The following NIPAL3 variants were observed in gnomAD, a reference collection of about 807,000 sequenced individuals.
NIPAL3 encodes NIPA like domain containing 3, also known as NIPA-like protein 3.
Under a neutral mutation model 47.2 loss-of-function variants are expected in NIPAL3, and 41 were observed. The ratio of observed to expected loss-of-function variants is 0.87; its 90% CI spans 0.68 to 1.13. The LOEUF is 1.13. Among genes scored for constraint, NIPAL3 ranks in the 50% most tolerant of loss-of-function variants. NIPAL3 has a pLI of 0.00. For synonymous variants in NIPAL3, 194 were observed against 209.6 expected (o/e 0.93, Z 0.64); for missense variants, 449 against 530.1 (o/e 0.85, Z 1.50).
rs552023400 is a variant in NIPAL3 at position 24,449,523 on chromosome 1, T to G, written c.437T>G (p.Val146Gly). 6.2e-7 allele frequency: 1 copy of G among 1,614,030 alleles called. No individual in the cohort carries two copies. Among genetic ancestry groups the G allele is most frequent in the Non-Finnish European group, 8.5e-7 (1 of 1,180,030 alleles). The change falls in exon 6 of 12, where the codon GTG becomes GGG. Residue 146 changes from valine to glycine, a missense_variant. Transcript: ENST00000374399. This position sits in a 1 kb window ranked among gnomAD's most constrained non-coding sequence, Gnocchi z 4.5. Reference sequence around the variant, plus strand: ...TTTGTTGGCTGCGGTTTGGCTGTCGTGGGTACCTACCTGCTGGTGACATTC... The same window carrying G: ...TTTGTTGGCTGCGGTTTGGCTGTCGGGGGTACCTACCTGCTGGTGACATTC... ...LSFVGCGLAV[V>G]GTYLLVTFAP... is the part of the protein sequence containing the mutation.
chr1:24,424,103 T>C lies in NIPAL3; in HGVS notation c.93+4463T>C, dbSNP rs142624783. Among the ~76,000 whole-genome samples, 461 of 152,322 alleles carry C rather than the reference T, an allele frequency of 3.0e-3. 4 individuals carry two copies. Among genetic ancestry groups the C allele is most frequent in the African/African-American group, 0.01 (433 of 41,574 alleles). ...TTCAATTCAGTTGCCTAGTATGGAATATCTTCATGCCAGAGCAAAGCTGAA... is the reference window on the plus strand; with the variant it reads ...TTCAATTCAGTTGCCTAGTATGGAACATCTTCATGCCAGAGCAAAGCTGAA... On this transcript the variant is annotated intron_variant, in intron 2 of 11. Transcript: ENST00000374399.
At chr1:24,456,654 T>C (rs1306336644) in intron 8 of NIPAL3, among the ~76,000 whole-genome samples, 1 of 152,170 alleles carries the variant, frequency 6.6e-6, no homozygotes, top group Admixed American at 6.5e-5. Context: ...TCCCAGCTAC[T>C]CAGGAAGCTG....
Position 24,421,342 on chromosome 1 carries a change from A to T in NIPAL3, c.93+1702A>T, listed in dbSNP as rs1644320694. ...ACTCCAGCCTGGGTGAGAGAGTGAG[A>T]CCCCACCTCAAAAAAAAAGAAAGAA... On this transcript the variant is annotated intron_variant, in intron 2 of 11. Coordinates refer to ENST00000374399, the MANE Select transcript of NIPAL3 (RefSeq NM_020448.5). Among the ~76,000 whole-genome samples the T allele has an allele frequency of 2.0e-5, 3 of 151,420 alleles. No individual in the cohort carries two copies. In the South Asian group the frequency reaches 6.3e-4, roughly 32 times the overall value.
intron 10 of NIPAL3, among the ~76,000 whole-genome samples, chr1:24,463,353 G>C (rs1346476827): frequency 6.6e-6 from 1 of 152,158 alleles, no homozygotes; most frequent in Non-Finnish European, 1.5e-5. Context: ...TTACCTCTGG[G>C]GAAGGGCTGG....
intron 2 of NIPAL3, among the ~76,000 whole-genome samples, chr1:24,439,840 T>A (rs1364953460): frequency 6.6e-6 from 1 of 152,236 alleles, no homozygotes; most frequent in Non-Finnish European, 1.5e-5. Flanking sequence ...ATATTTCTCT[T>A]GTAAATTCTG....
chr1:24,435,800 A>G (rs528060759), intron 2 of NIPAL3, among the ~76,000 whole-genome samples: 117 of 152,312 alleles, frequency 7.7e-4, no homozygotes, highest in African/African-American at 2.7e-3. Context: ...GATAGTCCCA[A>G]CAGGGGAGTT....
In NIPAL3 at chr1:24,451,205, C is replaced by T. The variant is rs1364907878; in HGVS notation, c.540+1579C>T. 6.6e-6 allele frequency among the ~76,000 whole-genome samples: 1 copy of T among 152,208 alleles called. No homozygotes were observed. The highest frequency in any genetic ancestry group is 6.5e-5 in the Admixed American group (1 of 15,286). On this transcript the variant is annotated intron_variant, in intron 6 of 11. Coordinates refer to ENST00000374399, the MANE Select transcript of NIPAL3 (RefSeq NM_020448.5). The surrounding 1 kb of genome is among the most constrained non-coding windows in gnomAD (Gnocchi z 4.5). ...GTCTTACTTCATCATGACTGGGAGG[C>T]AGTGCTGCCAGCTGGAGAGATTTGG...
chr1:24,419,362 G>T lies in NIPAL3; in HGVS notation c.-186G>T. On this transcript the variant is annotated 5_prime_UTR_variant, in exon 2 of 12. Coordinates refer to ENST00000374399, the MANE Select transcript of NIPAL3 (RefSeq NM_020448.5). Reference sequence around the variant, plus strand: ...GAGCCACGGAAATTGGCACTTCTCTGAGTGAAGCTGAGGAGAAGGCTGTAA... The same window carrying T: ...GAGCCACGGAAATTGGCACTTCTCTTAGTGAAGCTGAGGAGAAGGCTGTAA... The T allele has an allele frequency of 7.7e-7, 1 of 1,300,538 alleles. No homozygotes were observed. The highest frequency in any genetic ancestry group is 9.7e-7 in the Non-Finnish European group (1 of 1,026,360). 80.6% of individuals were successfully genotyped at this position (1,300,538 alleles called of 1,614,324 possible).
intron 2 of NIPAL3, among the ~76,000 whole-genome samples, chr1:24,436,496 T>C (rs923231180): frequency 6.6e-6 from 1 of 151,986 alleles, no homozygotes; most frequent in Non-Finnish European, 1.5e-5. Flanking sequence ...GTTTGTCTTT[T>C]TTTTTTTTTG....
At position 24,469,529 on chromosome 1, in the gene NIPAL3, A is replaced by G. The variant is rs534457493; in HGVS notation, c.*344A>G. The G allele has an allele frequency of 5.6e-5, 12 of 212,522 alleles. No individual in the cohort carries two copies. The South Asian group carries it at 1.5e-3, about 26-fold the overall frequency. The allele number at this position is 212,522 out of a possible 1,614,324, so 13.2% of individuals were successfully genotyped here. A position where few individuals can be genotyped will look rare whatever the true frequency, so the allele number is the denominator to read the frequency against. On this transcript the variant is annotated 3_prime_UTR_variant, in exon 12 of 12. Transcript: ENST00000374399. Reference sequence around the variant, plus strand: ...AAGGATGCTGTATCCTTCAGAGCTAAGGCAAGACAGAGAGTCTGCTGTTAA... The same window carrying G: ...AAGGATGCTGTATCCTTCAGAGCTAGGGCAAGACAGAGAGTCTGCTGTTAA...
intron 9 of NIPAL3, 32 bp downstream of exon 9, chr1:24,459,008 T>C: frequency 6.3e-7 from 1 of 1,588,970 alleles, no homozygotes; most frequent in Non-Finnish European, 8.6e-7. Flanking sequence ...ATTTCTGTCT[T>C]CTACTTTAGC....
chr1:24,460,273 A>G (rs16829694), intron 9 of NIPAL3, among the ~76,000 whole-genome samples: 3,127 of 152,286 alleles, frequency 0.021, 105 homozygotes, highest in African/African-American at 0.071. Context: ...AAAAAACAAC[A>G]TGGAGATCAG....
At chr1:24,425,552 G>T (rs1436200573) in intron 2 of NIPAL3, among the ~76,000 whole-genome samples, 1 of 152,136 alleles carries the variant, frequency 6.6e-6, no homozygotes, top group Non-Finnish European at 1.5e-5. Context: ...ATACAACAGA[G>T]TGTTAAGAGC....
Position 24,442,079 on chromosome 1 carries a change from G to A in NIPAL3, c.187G>A (p.Gly63Ser). ...LQKYCHIRLAGSKDPRAYFKT... is the reference protein window; with the variant it reads ...LQKYCHIRLASSKDPRAYFKT... ...GAAGTACTGCCACATCCGCCTGGCA[G>A]GCTCCAAGGATCCCCGGGCCTATTT... The change falls in exon 4 of 12, where the codon GGC becomes AGC. Residue 63 changes from glycine (G) to serine (S), a missense_variant. Gly to Ser is a moderately conservative substitution (Grantham distance 56). Transcript: ENST00000374399. 1 of 1,614,056 alleles carries A rather than the reference G, an allele frequency of 6.2e-7. No individual in the cohort carries two copies. The highest frequency in any genetic ancestry group is 8.5e-7 in the Non-Finnish European group (1 of 1,179,948).
chr1:24,428,295 A>AGAGAGAGAGAGAGAGG (rs1644716918), intron 2 of NIPAL3, among the ~76,000 whole-genome samples: 6 of 150,102 alleles, frequency 4.0e-5, no homozygotes, highest in Non-Finnish European at 8.9e-5. Flanking sequence ...AGAGAGAGAG[A>AGAGAGAGAGAGAGAGG]GAGAGAGACA....
At chr1:24,430,763 A>ATT (rs1644842720) in intron 2 of NIPAL3, among the ~76,000 whole-genome samples, 1 of 152,198 alleles carries the variant, frequency 6.6e-6, no homozygotes, top group East Asian at 1.9e-4. Flanking sequence ...TATGCCTGTA[A>ATT]CTTTTTTCAC....
chr1:24,435,198 T>C (rs554090197), intron 2 of NIPAL3, among the ~76,000 whole-genome samples: 1 of 152,300 alleles, frequency 6.6e-6, no homozygotes, highest in South Asian at 2.1e-4. Flanking sequence ...TAACTGGATA[T>C]CCACATGTAC....
upstream of NIPAL3, chr1:24,415,398 G>T (rs901584120): frequency 1.3e-5 from 2 of 152,184 alleles, no homozygotes; most frequent in African/African-American, 4.8e-5. Context: ...CGTCGGGTAG[G>T]GGAACAGCAG....
chr1:24,439,913 C>G (rs992370295), intron 2 of NIPAL3, among the ~76,000 whole-genome samples: 19 of 152,252 alleles, frequency 1.2e-4, no homozygotes, highest in Admixed American at 1.2e-3. Flanking sequence ...GGGAATAGCA[C>G]AGCAGGTTTA....
Sources: allele counts gnomAD v4.1 joint callset (sites outside exome capture counted in the v4.1 genomes callset), GRCh38; gene constraint gnomAD v4.1.1; non-coding constraint Gnocchi (gnomAD v3.1); transcripts MANE v1.5; gene names NCBI Gene and HGNC (gene_info 2026-07-23, HGNC 2026-07-21).